The following SH3PXD2B variants were observed in gnomAD, a reference collection of about 807,000 sequenced individuals.
SH3PXD2B encodes the protein SH3 and PX domains 2B.
In SH3PXD2B, 37 loss-of-function variants were observed where a neutral mutation model predicts 73.1. The observed-to-expected ratio is 0.51, with a 90% CI of 0.39 to 0.67. The LOEUF is 0.67. SH3PXD2B is among the 30% of genes least tolerant of loss of function. SH3PXD2B has a pLI of 0.00. For missense variants in SH3PXD2B, 1,053 were observed against 1,197.8 expected (o/e 0.88, Z 1.78); for synonymous variants, 457 against 480.5 (o/e 0.95, Z 0.64).
Position 172,339,890 on chromosome 5 carries a change from C to G in SH3PXD2B, c.1215G>C (p.Trp405Cys), listed in dbSNP as rs1561891724. 6.2e-7 allele frequency: 1 copy of G among 1,614,262 alleles called. No homozygotes were observed. Among genetic ancestry groups the G allele is most frequent in the South Asian group, 1.1e-5 (1 of 91,090 alleles). The change falls in exon 13 of 13, where the codon TGG (tryptophan) becomes TGC (cysteine). Residue 405 changes from tryptophan to cysteine, a missense_variant. Transcript: ENST00000311601. This position sits in a 1 kb window ranked among gnomAD's most constrained non-coding sequence, Gnocchi z 6.1. ...VEVIEKNLSG[W>C]WYIQIEDKEG... ...CCTTATCTTCAATCTGAATGTACCA[C>G]CAGCCACTCAAGTTTTTCTCGATCA...
At chr5:172,368,668 ATATATAAAATATATATGT>A (rs1757621222) in intron 6 of SH3PXD2B, among the ~76,000 whole-genome samples, 1 of 37,296 alleles carries the variant, frequency 2.7e-5, no homozygotes, top group African/African-American at 1.9e-4. Flanking sequence ...TATATTATAT[ATATATAAAATATATATGT>A]TATATATATA....
chr5:172,338,276 AGCTGCGTGGAGAAT>A lies in SH3PXD2B; in HGVS notation c.*79_*92del. 2 of 1,606,532 alleles carry A rather than the reference AGCTGCGTGGAGAAT, an allele frequency of 1.2e-6. No homozygotes were observed. The highest frequency in any genetic ancestry group is 1.7e-6 in the Non-Finnish European group (2 of 1,178,160). On this transcript the variant is annotated 3_prime_UTR_variant, in exon 13 of 13. Coordinates refer to ENST00000311601, the MANE Select transcript of SH3PXD2B (RefSeq NM_001017995.3). This position sits in a 1 kb window ranked among gnomAD's most constrained non-coding sequence, Gnocchi z 5.1. ...TACCCCAGAGTCTGTCTGCCTTGGAAGCTGCGTGGAGAATGATAAATTAAGAGGCGTATTAAATA... is the reference window on the plus strand; with the variant it reads ...TACCCCAGAGTCTGTCTGCCTTGGAAGATAAATTAAGAGGCGTATTAAATA...
At chr5:172,423,798 G>A (rs551409249) in intron 1 of SH3PXD2B, among the ~76,000 whole-genome samples, 29 of 152,186 alleles carry the variant, frequency 1.9e-4, no homozygotes, top group African/African-American at 7.0e-4. Context: ...GAGCGCTACC[G>A]TGCCCGGCTA....
At chr5:172,415,868 C>A (rs771895835) in intron 2 of SH3PXD2B, among the ~76,000 whole-genome samples, 1 of 152,160 alleles carries the variant, frequency 6.6e-6, no homozygotes, top group South Asian at 2.1e-4. Context: ...GGGAAGGACC[C>A]GACACCAGGT....
intron 1 of SH3PXD2B, among the ~76,000 whole-genome samples, chr5:172,438,778 T>C (rs1347038663): frequency 6.6e-6 from 1 of 152,172 alleles, no homozygotes; most frequent in Non-Finnish European, 1.5e-5. Flanking sequence ...GGGAATTCTT[T>C]GAGGTGTTGG....
At chr5:172,368,456 T>TATATATATTATATATATATATAAA (rs1757575078) in intron 6 of SH3PXD2B, among the ~76,000 whole-genome samples, 1 of 42,620 alleles carries the variant, frequency 2.3e-5, no homozygotes, top group Non-Finnish European at 4.4e-5. Context: ...AGAATGCTTA[T>TATATATATTATATATATATATAAA]ATATATATAT....
At chr5:172,452,676 G>A (rs1392290455) in intron 1 of SH3PXD2B, among the ~76,000 whole-genome samples, 3 of 152,122 alleles carry the variant, frequency 2.0e-5, no homozygotes, top group Non-Finnish European at 2.9e-5. Context: ...ATCTATTCTC[G>A]TTTTTGCCAG....
intron 8 of SH3PXD2B, among the ~76,000 whole-genome samples, chr5:172,356,021 G>A (rs553644688): frequency 1.1e-4 from 17 of 152,092 alleles, no homozygotes; most frequent in Non-Finnish European, 2.4e-4. Flanking sequence ...TGGCTTAGGT[G>A]AGGCCAAGCT....
intron 3 of SH3PXD2B, among the ~76,000 whole-genome samples, 193 bp downstream of exon 3, chr5:172,406,084 T>C (rs1266517200): frequency 6.6e-6 from 1 of 152,178 alleles, no homozygotes; most frequent in Admixed American, 6.5e-5. Flanking sequence ...AGGTCTGATT[T>C]TTCACTCATG....
chr5:172,431,462 A>G (rs1759237875), intron 1 of SH3PXD2B, among the ~76,000 whole-genome samples: 1 of 152,238 alleles, frequency 6.6e-6, no homozygotes. Flanking sequence ...ACCGGAGGCT[A>G]CTATGACGCA....
At chr5:172,443,106 T>A (rs576000964) in intron 1 of SH3PXD2B, among the ~76,000 whole-genome samples, 17 of 152,362 alleles carry the variant, frequency 1.1e-4, no homozygotes, top group African/African-American at 4.1e-4. Flanking sequence ...AACAAAATTA[T>A]GACTATATGT....
At chr5:172,431,837 A>G (rs925829771) in intron 1 of SH3PXD2B, among the ~76,000 whole-genome samples, 4 of 152,152 alleles carry the variant, frequency 2.6e-5, no homozygotes, top group African/African-American at 9.7e-5. Flanking sequence ...TGATCAATAC[A>G]TAACTTTGTT....
chr5:172,421,029 T>C lies in SH3PXD2B; in HGVS notation c.156+1387A>G, dbSNP rs965006391. On this transcript the variant is annotated intron_variant, in intron 2 of 12. Transcript: ENST00000311601. This position sits in a 1 kb window ranked among gnomAD's most constrained non-coding sequence, Gnocchi z 4.0. ...TCCTGTTTACTTCAGCCAGCTTCAG[T>C]TGGGTTTCTGTCACTCGCAACAGAA... 2.0e-5 allele frequency among the ~76,000 whole-genome samples: 3 copies of C among 152,188 alleles called. No individual in the cohort carries two copies. Among genetic ancestry groups the C allele is most frequent in the Admixed American group, 6.5e-5 (1 of 15,272 alleles).
rs376173413 is a variant in SH3PXD2B at position 172,430,060 on chromosome 5, G to A, written c.76-7564C>T. Among the ~76,000 whole-genome samples the A allele has an allele frequency of 6.6e-5, 10 of 152,294 alleles. No homozygotes were observed. In the South Asian group the frequency reaches 2.1e-3, roughly 32 times the overall value. On this transcript the variant is annotated intron_variant, in intron 1 of 12. Transcript: ENST00000311601. ...CCCCCATGACTCAGTTTCCTCATTT[G>A]TAAAAAATGAGGTCTGCAATACTAC...
intron 5 of SH3PXD2B, among the ~76,000 whole-genome samples, chr5:172,375,764 C>T (rs1237204695): frequency 6.6e-6 from 1 of 152,190 alleles, no homozygotes; most frequent in Non-Finnish European, 1.5e-5. Flanking sequence ...AGTTGCTTGA[C>T]ATTTGGGTTG....
At chr5:172,441,887 G>C (rs1346903918) in intron 1 of SH3PXD2B, among the ~76,000 whole-genome samples, 1 of 152,096 alleles carries the variant, frequency 6.6e-6, no homozygotes, top group African/African-American at 2.4e-5. Flanking sequence ...CTGAAGGCCA[G>C]ATTCTGTGGG....
intron 1 of SH3PXD2B, among the ~76,000 whole-genome samples, chr5:172,443,535 T>G (rs1759594863): frequency 2.0e-5 from 3 of 152,198 alleles, no homozygotes; most frequent in Admixed American, 2.0e-4. Context: ...GCAGCCCTTA[T>G]CCTATGGAGA....
chr5:172,388,816 G>A (rs1758109317), intron 4 of SH3PXD2B, among the ~76,000 whole-genome samples: 1 of 152,198 alleles, frequency 6.6e-6, no homozygotes, highest in African/African-American at 2.4e-5. Context: ...CTTGCCAGCA[G>A]GGCCTGGACA....
Position 172,454,391 on chromosome 5 carries a change from G to A in SH3PXD2B, c.-39C>T, listed in dbSNP as rs1759885282. The A allele has an allele frequency of 9.2e-6, 12 of 1,309,912 alleles. No homozygotes were observed. The highest frequency in any genetic ancestry group is 1.2e-5 in the Non-Finnish European group (12 of 1,024,144). 81.1% of individuals were successfully genotyped at this position (1,309,912 alleles called of 1,614,324 possible). On this transcript the variant is annotated 5_prime_UTR_variant, in exon 1 of 13. Transcript: ENST00000311601. ...CCCGCAGCGGGCCGAGCGCGGGTGC[G>A]GGTGGCGCGGGGTGCAGGGAGCGCT...
Sources: allele counts gnomAD v4.1 joint callset (sites outside exome capture counted in the v4.1 genomes callset), GRCh38; gene constraint gnomAD v4.1.1; non-coding constraint Gnocchi (gnomAD v3.1); transcripts MANE v1.5; gene names NCBI Gene and HGNC (gene_info 2026-07-23, HGNC 2026-07-21).